The following ZNF829 variants were observed in gnomAD, a reference collection of about 807,000 sequenced individuals.
The protein encoded by ZNF829 is zinc finger protein 829.
ZNF829 carries 25 observed loss-of-function variants against 35.2 expected under a neutral mutation model. The ratio of observed to expected loss-of-function variants is 0.71; its 90% confidence interval spans 0.52 to 0.99. The LOEUF (loss-of-function observed/expected upper bound fraction) is 0.99. Among genes scored for constraint, ZNF829 ranks in the 50% least tolerant of loss-of-function variants. The pLI, the probability that ZNF829 is intolerant of heterozygous loss-of-function variation, is 0.00. For synonymous variants in ZNF829, 136 were observed against 163.2 expected, an observed-to-expected ratio of 0.83 and a Z score of 1.27; for missense variants, 417 against 515.3, an observed-to-expected ratio of 0.81 and a Z score of 1.85.
chr19:36,897,851 G>A (rs2073126846), intron 5 of ZNF829, among the ~76,000 whole-genome samples: 1 of 152,186 alleles, frequency 6.6e-6, no homozygotes, highest in African/African-American at 2.4e-5. Context: ...CAGTAAAGTT[G>A]CAAGATACAA....
intron 5 of ZNF829, among the ~76,000 whole-genome samples, chr19:36,896,185 C>A (rs1331818732): frequency 6.6e-6 from 1 of 152,036 alleles, no homozygotes; most frequent in Admixed American, 6.6e-5. Context: ...GTGGCAGGCA[C>A]CTGTAGTCCC....
intron 5 of ZNF829, chr19:36,901,939 C>G (rs556606855): frequency 1.7e-4 from 126 of 760,700 alleles, no homozygotes; most frequent in Admixed American, 4.3e-4. Context: ...GCACTGATAC[C>G]AGGCTCAACA....
At chr19:36,897,276 C>A (rs978787318) in intron 5 of ZNF829, among the ~76,000 whole-genome samples, 3 of 152,108 alleles carry the variant, frequency 2.0e-5, no homozygotes, top group African/African-American at 7.2e-5. Flanking sequence ...GGTGATATCC[C>A]TCATGAACAT....
At chr19:36,914,786 A>G (rs1436075457) in intron 3 of ZNF829, among the ~76,000 whole-genome samples, 179 bp downstream of exon 3, 1 of 152,136 alleles carries the variant, frequency 6.6e-6, no homozygotes, top group Non-Finnish European at 1.5e-5. Flanking sequence ...TGTTTTTGAG[A>G]TCTCTAAATT....
rs1845933368 is a variant in ZNF829, at chr19:36,891,269, G to A, written c.*223C>T. The stretch of plus-strand genomic sequence containing the variant: ...CAGAGTCCTCAGAAGGAACCAAAAC[G>A]ATCAGCACCCTTGAGTTTAGATTTC... On this transcript the variant is annotated 3_prime_UTR_variant, in exon 6 of 6. Transcript: ENST00000391711. 2.4e-5 allele frequency: 11 copies of A among 461,896 alleles called. No homozygotes were observed. Among genetic ancestry groups the A allele is most frequent in the Admixed American group, 3.9e-5 (1 of 25,908 alleles). The allele number at this position is 461,896 out of a possible 1,614,324, so 28.6% of individuals were successfully genotyped here.
In ZNF829 at chr19:36,916,167, C is replaced by A; in HGVS notation, c.-241G>T. 3.8e-6 allele frequency: 2 copies of A among 520,638 alleles called. No homozygotes were observed. Among genetic ancestry groups the A allele is most frequent in the Non-Finnish European group, 6.8e-6 (2 of 294,466 alleles). The allele number at this position is 520,638 out of a possible 1,614,324, so 32.3% of individuals were successfully genotyped here. ...CTGGGCCCACCCGAAACGGCTGCTC[C>A]CTCAACTCTCAACATCCAGCCGAGC... is the stretch of plus-strand genomic sequence containing the variant. On this transcript the variant is annotated 5_prime_UTR_variant, in exon 1 of 6. It introduces an in-frame stop codon into an upstream open reading frame of the 5' UTR. Coordinates refer to ENST00000391711, the MANE Select transcript of ZNF829 (RefSeq NM_001037232.4). This position sits in a 1 kb window ranked among gnomAD's most constrained non-coding sequence, Gnocchi z 5.3.
chr19:36,899,722 G>T (rs2073145414), intron 5 of ZNF829, among the ~76,000 whole-genome samples: 1 of 149,202 alleles, frequency 6.7e-6, no homozygotes, highest in South Asian at 2.1e-4. Flanking sequence ...CTAGAAATTT[G>T]TCAGGAAAGT....
At chr19:36,893,513 T>C (rs918831024) in intron 5 of ZNF829, among the ~76,000 whole-genome samples, 1 of 152,142 alleles carries the variant, frequency 6.6e-6, no homozygotes, top group African/African-American at 2.4e-5. Flanking sequence ...CCTTGTTTAT[T>C]AAAATGGGAC....
At chr19:36,908,645 A>T (rs537886376) in intron 3 of ZNF829, among the ~76,000 whole-genome samples, 186 bp from the exon 4 acceptor site, 1 of 152,350 alleles carries the variant, frequency 6.6e-6, no homozygotes, top group East Asian at 1.9e-4. Context: ...AATAGCATGC[A>T]TTCAGCTCAA....
intron 5 of ZNF829, among the ~76,000 whole-genome samples, chr19:36,902,625 A>G (rs1434339967): frequency 1.3e-5 from 2 of 149,188 alleles, no homozygotes; most frequent in African/African-American, 2.5e-5. Context: ...AGCCTGGGCA[A>G]CAGAGCCAGA....
chr19:36,912,309 A>C (rs750062117), intron 3 of ZNF829, among the ~76,000 whole-genome samples: 2 of 152,216 alleles, frequency 1.3e-5, no homozygotes, highest in Admixed American at 1.3e-4. Context: ...AAGAGTGATA[A>C]AAATTATAGT....
intron 3 of ZNF829, among the ~76,000 whole-genome samples, chr19:36,909,815 AAAAAAG>A (rs1181143511): frequency 6.6e-6 from 1 of 151,908 alleles, no homozygotes; most frequent in Non-Finnish European, 1.5e-5. Flanking sequence ...TCAAAAAAAA[AAAAAAG>A]AAAGAAAGAA....
chr19:36,915,200 T>G lies in ZNF829; in HGVS notation c.-33A>C, dbSNP rs753259374. 3 of 1,614,044 alleles carry G rather than the reference T, an allele frequency of 1.9e-6. No individual in the cohort carries two copies. The highest frequency in any genetic ancestry group is 1.7e-5 in the Admixed American group (1 of 60,018). ...AATTCCAGTGGCTCAGGGGAAAGGTTGTGTTCACTGCTGTCCAGGGTTGGA... is the reference window on the plus strand; with the variant it reads ...AATTCCAGTGGCTCAGGGGAAAGGTGGTGTTCACTGCTGTCCAGGGTTGGA... On this transcript the variant is annotated 5_prime_UTR_variant, in exon 2 of 6. Transcript: ENST00000391711.
intron 1 of ZNF829, 116 bp downstream of exon 1, chr19:36,915,895 G>T: frequency 6.5e-7 from 1 of 1,536,090 alleles, no homozygotes; most frequent in South Asian, 1.2e-5. Flanking sequence ...GCCCGCAGGG[G>T]CCCAAGGCGC....
chr19:36,892,926 G>A lies in ZNF829; in HGVS notation c.320-455C>T, dbSNP rs767973751. ...ATGCCCAGGCAGGGGTTAAGCTGGA[G>A]GGCCATGGAGGAGGACAGGCCAGCA... On this transcript the variant is annotated intron_variant, in intron 5 of 5. Coordinates refer to ENST00000391711, the MANE Select transcript of ZNF829 (RefSeq NM_001037232.4). The A allele has an allele frequency of 1.4e-3, 1,323 of 941,784 alleles. 2 individuals are homozygous for A. The highest frequency in any genetic ancestry group is 1.7e-3 in the Non-Finnish European group (1,247 of 715,392). 58.3% of individuals were successfully genotyped at this position (941,784 alleles called of 1,614,324 possible). A position where few individuals can be genotyped will look rare whatever the true frequency, so the allele number is the denominator to read the frequency against.
chr19:36,912,372 G>C (rs530803874), intron 3 of ZNF829, among the ~76,000 whole-genome samples: 1 of 152,192 alleles, frequency 6.6e-6, no homozygotes, highest in African/African-American at 2.4e-5. Context: ...AGAGAGGGTT[G>C]AGAGTAGAAA....
intron 5 of ZNF829, chr19:36,901,777 G>A (rs1403763451): frequency 8.8e-6 from 5 of 565,428 alleles, no homozygotes; most frequent in South Asian, 2.1e-5. Context: ...AGAAGAAAAA[G>A]GGCCGTTCTG....
intron 5 of ZNF829, among the ~76,000 whole-genome samples, chr19:36,895,919 C>T (rs1367377218): frequency 6.6e-6 from 1 of 152,192 alleles, no homozygotes; most frequent in Admixed American, 6.5e-5. Flanking sequence ...GTAATCCCAA[C>T]ACTTTGGGAG....
intron 5 of ZNF829, 31 bp from the exon 6 acceptor site, chr19:36,892,502 T>G (rs80207113): frequency 1.3e-6 from 2 of 1,529,462 alleles, no homozygotes; most frequent in South Asian, 1.3e-5. Context: ...AAATAAATTT[T>G]CCTATTCTGG....
Sources: allele counts gnomAD v4.1 joint callset (sites outside exome capture counted in the v4.1 genomes callset), GRCh38; gene constraint gnomAD v4.1.1; non-coding constraint Gnocchi (gnomAD v3.1); transcripts MANE v1.5; gene names NCBI Gene and HGNC (gene_info 2026-07-23, HGNC 2026-07-21).